Variants in NOX3 observed in about 807,000 individuals in gnomAD.
The protein encoded by NOX3 is NADPH oxidase 3, also known as NADPH oxidase catalytic subunit-like 3.
In NOX3, 74 loss-of-function variants were observed where a neutral mutation model predicts 76.7. That is an observed-to-expected ratio of 0.96 (90% CI 0.80 to 1.17). The LOEUF (loss-of-function observed/expected upper bound fraction) is 1.17, where lower values mean the gene tolerates loss of function less well. Ranked by LOEUF, NOX3 falls within the 50% of genes most tolerant of loss-of-function variation. The probability of loss-of-function intolerance (pLI) is 0.00; values close to 1 mark genes in which losing one functional copy is unlikely to be tolerated. For missense variants in NOX3, 695 were observed against 703.3 expected, an observed-to-expected ratio of 0.99 and a Z score of 0.13; for synonymous variants, 263 against 261.1, an observed-to-expected ratio of 1.01 and a Z score of -0.07.
chr6:155,428,961 C>T lies in NOX3; in HGVS notation c.978G>A (p.Gln326=). 6.2e-7 allele frequency: 1 copy of T among 1,614,100 alleles called. No individual in the cohort carries two copies. The highest frequency in any genetic ancestry group is 8.5e-7 in the Non-Finnish European group (1 of 1,179,980). Residue 326 remains glutamine, a synonymous_variant, in exon 9 of 14, where the codon CAG becomes CAA. Coordinates refer to ENST00000159060, the MANE Select transcript of NOX3 (RefSeq NM_015718.3). ...KMAPGQYILV[Q]CPAISSLEWH... ...ACTCCAGCGAAGATATGGCTGGGCA[C>T]TGCACCAAGATGTACTGCCCTGGCG...
In NOX3 at chr6:155,396,642, G is replaced by A. The variant is rs1172692596; in HGVS notation, c.*27+167C>T. Among the ~76,000 whole-genome samples the A allele has an allele frequency of 3.3e-5, 5 of 152,224 alleles. No homozygotes were observed. The South Asian group carries it at 8.3e-4, about 25-fold the overall frequency. On this transcript the variant is annotated intron_variant, in intron 13 of 13. Coordinates refer to ENST00000159060, the MANE Select transcript of NOX3 (RefSeq NM_015718.3). ...TAAAATATTATTGGAACACAACTATGCCCATTCATTGACGTTATTGTTTGT... is the reference window on the plus strand; with the variant it reads ...TAAAATATTATTGGAACACAACTATACCCATTCATTGACGTTATTGTTTGT...
chr6:155,403,351 C>T (rs9480134), intron 12 of NOX3, among the ~76,000 whole-genome samples: 8,430 of 152,228 alleles, frequency 0.055, 738 homozygotes, highest in African/African-American at 0.18. Context: ...ATTCCAGGGA[C>T]AAAATCATTG....
chr6:155,405,409 G>A (rs1776433874), intron 12 of NOX3, among the ~76,000 whole-genome samples: 1 of 152,106 alleles, frequency 6.6e-6, no homozygotes. Flanking sequence ...GCAGTTCTTG[G>A]AACTCTTGTC....
intron 10 of NOX3, among the ~76,000 whole-genome samples, chr6:155,420,181 G>A (rs1347824282): frequency 6.6e-6 from 1 of 152,208 alleles, no homozygotes; most frequent in African/African-American, 2.4e-5. Context: ...TAAGAGAAGG[G>A]GGAGGTGATT....
chr6:155,435,728 A>G (rs1776895544), intron 7 of NOX3, among the ~76,000 whole-genome samples: 1 of 152,084 alleles, frequency 6.6e-6, no homozygotes. Flanking sequence ...AAAGATTTGC[A>G]CTGTTCTAAG....
chr6:155,399,203 T>G (rs531881529), intron 12 of NOX3, among the ~76,000 whole-genome samples: 1 of 152,296 alleles, frequency 6.6e-6, no homozygotes, highest in Admixed American at 6.5e-5. Flanking sequence ...TGGGTGGTGA[T>G]ATTTTTCCAT....
chr6:155,436,655 A>G, intron 6 of NOX3, 108 bp from the exon 7 acceptor site: 4 of 1,100,918 alleles, frequency 3.6e-6, no homozygotes, highest in Non-Finnish European at 5.1e-6. Flanking sequence ...GCTCTGAAAT[A>G]TCACTTCCAG....
At chr6:155,436,941 T>C (rs1776912100) in intron 6 of NOX3, among the ~76,000 whole-genome samples, 1 of 152,226 alleles carries the variant, frequency 6.6e-6, no homozygotes, top group South Asian at 2.1e-4. Flanking sequence ...TTTGCAGATT[T>C]ATTTAACTTC....
intron 12 of NOX3, among the ~76,000 whole-genome samples, chr6:155,401,700 C>A (rs566730192): frequency 6.7e-6 from 1 of 150,138 alleles, no homozygotes; most frequent in Non-Finnish European, 1.5e-5. Context: ...CTTTCTTCAT[C>A]GTTAGGTTGG....
chr6:155,440,491 A>T (rs1252395563), intron 5 of NOX3, among the ~76,000 whole-genome samples: 2 of 152,118 alleles, frequency 1.3e-5, no homozygotes, highest in African/African-American at 4.8e-5. Context: ...ATTAAAAAAA[A>T]AAAGCTGGGC....
intron 11 of NOX3, among the ~76,000 whole-genome samples, chr6:155,408,272 C>G (rs553905690): frequency 2.6e-5 from 4 of 152,196 alleles, no homozygotes; most frequent in Admixed American, 2.0e-4. Context: ...AGGCATGAGC[C>G]ACTGCACCTG....
intron 10 of NOX3, 88 bp from the exon 11 acceptor site, chr6:155,411,448 T>G: frequency 7.8e-7 from 1 of 1,274,676 alleles, no homozygotes; most frequent in African/African-American, 1.5e-5. Flanking sequence ...TTAAATTATT[T>G]GAGCCCAAAT....
chr6:155,423,564 T>C (rs1056813043), intron 9 of NOX3, among the ~76,000 whole-genome samples: 2 of 152,148 alleles, frequency 1.3e-5, no homozygotes, highest in Admixed American at 6.6e-5. Flanking sequence ...CATGGTCCTA[T>C]GCAGACTGGT....
intron 5 of NOX3, among the ~76,000 whole-genome samples, chr6:155,442,163 C>T (rs945533908): frequency 1.3e-5 from 2 of 152,074 alleles, no homozygotes; most frequent in Non-Finnish European, 2.9e-5. Context: ...ACTCAGGAGG[C>T]TGAGGCAGGA....
intron 11 of NOX3, among the ~76,000 whole-genome samples, chr6:155,408,006 C>A (rs1224259396): frequency 6.6e-6 from 1 of 152,032 alleles, no homozygotes; most frequent in African/African-American, 2.4e-5. Flanking sequence ...TGAGACAGAG[C>A]CTTGCTGTGT....
intron 10 of NOX3, among the ~76,000 whole-genome samples, chr6:155,421,393 G>T (rs1290651741): frequency 1.3e-5 from 2 of 152,198 alleles, no homozygotes; most frequent in Non-Finnish European, 2.9e-5. Flanking sequence ...TCATGAAATA[G>T]TTAACTGCTG....
At chr6:155,414,668 C>A (rs2114683691) in intron 10 of NOX3, among the ~76,000 whole-genome samples, 2 of 133,952 alleles carry the variant, frequency 1.5e-5, no homozygotes, top group East Asian at 4.2e-4. Flanking sequence ...CTCTCTGTTG[C>A]CCAGGCTGGA....
At chr6:155,407,043 G>A (rs1368231604) in intron 12 of NOX3, 87 bp downstream of exon 12, 2 of 1,418,784 alleles carry the variant, frequency 1.4e-6, no homozygotes, top group East Asian at 2.3e-5. Flanking sequence ...GAGATATACG[G>A]TACTGCAGAT....
intron 9 of NOX3, among the ~76,000 whole-genome samples, chr6:155,428,008 C>A (rs1776779450): frequency 6.6e-6 from 1 of 152,310 alleles, no homozygotes; most frequent in East Asian, 1.9e-4. Context: ...TCAAGCAATT[C>A]TCCTGCCTCA....
Sources: gnomAD v4.1 joint callset for allele counts (sites outside exome capture counted in the v4.1 genomes callset) on GRCh38, gnomAD v4.1.1 for gene constraint, MANE v1.5 for transcripts, NCBI Gene and HGNC (gene_info 2026-07-23, HGNC 2026-07-21) for gene names.